Variants in PRR5 observed in about 807,000 individuals in gnomAD.
PRR5 encodes the protein proline-rich protein 5.
PRR5 carries 25 observed loss-of-function variants against 30.6 expected under a neutral mutation model. That is an observed-to-expected ratio of 0.82 (90% CI 0.60 to 1.14). The LOEUF (loss-of-function observed/expected upper bound fraction) is 1.14. Ranked by LOEUF, PRR5 falls within the 50% of genes most tolerant of loss-of-function variation. The pLI is 0.00. For missense variants in PRR5, 600 were observed against 547.1 expected, an observed-to-expected ratio of 1.10 and a Z score of -0.96; for synonymous variants, 286 against 247.1, an observed-to-expected ratio of 1.16 and a Z score of -1.48.
At chr22:44,725,344 A>G (rs1363307338) in intron 3 of PRR5, 52 bp downstream of exon 3, 1 of 1,608,392 alleles carries the variant, frequency 6.2e-7, no homozygotes, top group Non-Finnish European at 8.5e-7. Flanking sequence ...AGCCAGCCAG[A>G]AAGCACAGGG....
At chr22:44,689,175 A>G (rs780867013) in intron 1 of PRR5, among the ~76,000 whole-genome samples, 1 of 152,126 alleles carries the variant, frequency 6.6e-6, no homozygotes, top group Non-Finnish European at 1.5e-5. Flanking sequence ...TCTTCATGTG[A>G]TGAAGACAAT....
Position 44,714,579 on chromosome 22 carries a change from C to A in PRR5, c.135-12C>A, listed in dbSNP as rs748474491. The A allele has an allele frequency of 6.2e-7, 1 of 1,612,478 alleles. No individual in the cohort carries two copies. Among genetic ancestry groups the A allele is most frequent in the Non-Finnish European group, 8.5e-7 (1 of 1,179,944 alleles). On this transcript the variant is annotated splice_polypyrimidine_tract_variant and intron_variant, in intron 1 of 7. Transcript: ENST00000336985. ...CCTCAGGACTGCAGTGTTTTCTTCCCTCTGCCCCCAGCATCCACAACGGGG... is the reference window on the plus strand; with the variant it reads ...CCTCAGGACTGCAGTGTTTTCTTCCATCTGCCCCCAGCATCCACAACGGGG...
chr22:44,730,076 T>A, intron 4 of PRR5: 2 of 985,368 alleles, frequency 2.0e-6, no homozygotes, highest in Non-Finnish European at 2.4e-6. Flanking sequence ...TGGGACCCAG[T>A]CCAGCTCGGC....
upstream of PRR5, among the ~76,000 whole-genome samples, chr22:44,699,477 C>T (rs1051945877): frequency 6.6e-6 from 1 of 152,264 alleles, no homozygotes; most frequent in Non-Finnish European, 1.5e-5. Flanking sequence ...CGGAGATTCT[C>T]GCTCACATCT....
At chr22:44,735,006 C>T (rs1922937921) in intron 6 of PRR5, 21 bp from the exon 7 acceptor site, 1 of 1,608,638 alleles carries the variant, frequency 6.2e-7, no homozygotes, top group Non-Finnish European at 8.5e-7. Context: ...ACCCCCTACC[C>T]CCTGCCCCAC....
At chr22:44,709,264 C>CTTT (rs1424847906) in intron 1 of PRR5, among the ~76,000 whole-genome samples, 2 of 152,170 alleles carry the variant, frequency 1.3e-5, no homozygotes, top group Non-Finnish European at 2.9e-5. Context: ...AGATTTCTTG[C>CTTT]CCTAGTTCCC....
rs141096517 is a variant in PRR5, at chr22:44,737,105, G to T, written c.1025G>T (p.Arg342Leu). ...GLDPTRSSLPRSSPENLVDQI... is the reference protein window; with the variant it reads ...GLDPTRSSLPLSSPENLVDQI... ...GATCCCACCCGCAGCTCCCTGCCCC[G>T]CTCCAGCCCGGAGAACCTGGTGGAC... is the stretch of plus-strand genomic sequence containing the variant. The change falls in exon 8 of 8, where the codon CGC becomes CTC. Residue 342 changes from arginine (R) to leucine (L), a missense_variant. Transcript: ENST00000336985. 4.3e-6 allele frequency: 7 copies of T among 1,611,986 alleles called. No homozygotes were observed. In the East Asian group the frequency reaches 6.7e-5, roughly 15 times the overall value.
At chr22:44,729,608 G>T (rs1921546823) in intron 4 of PRR5, 1 of 985,354 alleles carries the variant, frequency 1.0e-6, no homozygotes, top group Non-Finnish European at 1.2e-6. Context: ...TCCGCCTGGA[G>T]GAACTTCCTG....
chr22:44,679,102 C>T (rs1358369222), intron 1 of PRR5, among the ~76,000 whole-genome samples: 10 of 152,138 alleles, frequency 6.6e-5, no homozygotes, highest in African/African-American at 2.4e-4. Flanking sequence ...CCCTGAGTGA[C>T]TCCCCACTCT....
rs754312502 is a variant in PRR5 at position 44,737,013 on chromosome 22, G to A, written c.933G>A (p.Pro311=). 19 of 1,600,082 alleles carry A rather than the reference G, an allele frequency of 1.2e-5. No individual in the cohort carries two copies. The highest frequency in any genetic ancestry group is 6.6e-5 in the South Asian group (6 of 90,768). Residue 311 remains proline, a synonymous_variant, in exon 8 of 8, where the codon CCG becomes CCA. Coordinates refer to ENST00000336985, the MANE Select transcript of PRR5 (RefSeq NM_181333.4). The part of the protein sequence containing the change: ...QGPTGTFRSS[P]APHSGPCPSR... ...CCACCGGGACCTTCAGGTCCTCCCC[G>A]GCGCCCCACTCAGGGCCCTGCCCCA... is the stretch of plus-strand genomic sequence containing the variant.
intron 1 of PRR5, chr22:44,668,929 C>A: frequency 6.7e-6 from 1 of 149,836 alleles, no homozygotes; most frequent in South Asian, 1.9e-4. Flanking sequence ...GAGCGGCGCG[C>A]GCGTGTGTGT....
At chr22:44,728,205 G>T (rs1387866371) in intron 4 of PRR5, among the ~76,000 whole-genome samples, 14 of 152,214 alleles carry the variant, frequency 9.2e-5, no homozygotes. Flanking sequence ...GCCCTTCCTG[G>T]CCTCCCCAGG....
chr22:44,714,485 G>A, intron 1 of PRR5, 106 bp from the exon 2 acceptor site: 1 of 1,477,604 alleles, frequency 6.8e-7, no homozygotes. Context: ...TGCAGGGATG[G>A]CTATCCTGCC....
chr22:44,680,542 T>G (rs1409519891), intron 1 of PRR5, among the ~76,000 whole-genome samples: 2 of 152,290 alleles, frequency 1.3e-5, no homozygotes, highest in Non-Finnish European at 2.9e-5. Context: ...GTGGCAGCGC[T>G]GCCTCCATGG....
chr22:44,688,213 G>C (rs571651697), intron 1 of PRR5, among the ~76,000 whole-genome samples: 1 of 151,508 alleles, frequency 6.6e-6, no homozygotes, highest in Non-Finnish European at 1.5e-5. Flanking sequence ...GTGAAACCCC[G>C]TCTCTACTAA....
rs368882309 is a variant in PRR5 at position 44,736,902 on chromosome 22, C to T, written c.822C>T (p.Gly274=). 1.4e-5 allele frequency: 23 copies of T among 1,608,474 alleles called. No individual in the cohort carries two copies. The highest frequency in any genetic ancestry group is 1.2e-4 in the African/African-American group (9 of 74,906). ...QEHEAEGAAA[G]GTSIRRHSVS... ...ACGAGGCGGAGGGCGCGGCGGCCGG[C>T]GGTACCAGCATCCGCAGGCACTCTG... Residue 274 remains glycine (G), a synonymous_variant, in exon 8 of 8, where the codon GGC becomes GGT. Transcript: ENST00000336985.
At chr22:44,693,458 C>A (rs1157818592) in intron 1 of PRR5, among the ~76,000 whole-genome samples, 14 of 147,762 alleles carry the variant, frequency 9.5e-5, no homozygotes, top group Admixed American at 2.7e-4. Flanking sequence ...GACCCTGTCT[C>A]AAAAAAAAAG....
intron 1 of PRR5, among the ~76,000 whole-genome samples, chr22:44,680,132 G>A (rs578257182): frequency 7.2e-5 from 11 of 152,336 alleles, no homozygotes; most frequent in Admixed American, 2.0e-4. Flanking sequence ...AATGGAGGGT[G>A]CTCGGGGCCG....
chr22:44,732,508 C>G (rs551474433), intron 6 of PRR5, 117 bp downstream of exon 6: 9 of 1,418,638 alleles, frequency 6.3e-6, no homozygotes, highest in Non-Finnish European at 8.5e-6. Context: ...AGGAAGGGCC[C>G]GATCAGAGGA....
Sources: allele counts gnomAD v4.1 joint callset (sites outside exome capture counted in the v4.1 genomes callset), GRCh38; gene constraint gnomAD v4.1.1; transcripts MANE v1.5; gene names NCBI Gene and HGNC (gene_info 2026-07-23, HGNC 2026-07-21).